The following PDSS2 variants were observed in gnomAD, a reference collection of about 807,000 sequenced individuals.
PDSS2 encodes decaprenyl diphosphate synthase subunit 2.
Under a neutral mutation model 44.5 loss-of-function variants are expected in PDSS2, and 31 were observed. The observed-to-expected ratio is 0.70, with a 90% CI of 0.52 to 0.94. The LOEUF (loss-of-function observed/expected upper bound fraction) is 0.94, where lower values mean the gene tolerates loss of function less well. PDSS2 is among the 40% of genes least tolerant of loss of function. The probability of loss-of-function intolerance (pLI) is 0.00; values close to 1 mark genes in which losing one functional copy is unlikely to be tolerated. For synonymous variants in PDSS2, 157 were observed against 180.3 expected (o/e 0.87, Z 1.03); for missense variants, 452 against 482.2 (o/e 0.94, Z 0.59).
At chr6:107,428,553 C>T (rs988118083) in intron 1 of PDSS2, among the ~76,000 whole-genome samples, 7 of 152,258 alleles carry the variant, frequency 4.6e-5, no homozygotes, top group East Asian at 1.9e-4. Context: ...TCAGACCAGA[C>T]GCAGTGGCTC....
rs778007538 is a variant in PDSS2, at chr6:107,193,843, T to C, written c.1020A>G (p.Lys340=). The change falls in exon 7 of 8, where the codon AAA becomes AAG. Residue 340 remains lysine, a synonymous_variant. Coordinates refer to ENST00000369037, the MANE Select transcript of PDSS2 (RefSeq NM_020381.4). ...CTACCTTAGCATAGTCCAATCTTCC[T>C]TTTTCTTGAGCCTACAAAAGAAGAG... ...WIKQIGEAQE[K]GRLDYAKLRE... is the part of the protein sequence containing the mutation. The C allele has an allele frequency of 1.9e-6, 3 of 1,562,140 alleles. No homozygotes were observed. The highest frequency in any genetic ancestry group is 2.2e-5 in the South Asian group (2 of 90,004).
At chr6:107,444,967 C>T (rs1485834728) in intron 1 of PDSS2, among the ~76,000 whole-genome samples, 2 of 152,036 alleles carry the variant, frequency 1.3e-5, no homozygotes, top group Admixed American at 6.6e-5. Flanking sequence ...AAAATTTAAT[C>T]CTAAAAGCCA....
intron 1 of PDSS2, among the ~76,000 whole-genome samples, chr6:107,363,242 C>T (rs1375251650): frequency 6.6e-6 from 1 of 152,216 alleles, no homozygotes; most frequent in Non-Finnish European, 1.5e-5. Flanking sequence ...CAGAGACAAA[C>T]TGTTGAAGGA....
At chr6:107,298,633 G>A (rs1028407263) in intron 2 of PDSS2, among the ~76,000 whole-genome samples, 6 of 152,174 alleles carry the variant, frequency 3.9e-5, no homozygotes, top group African/African-American at 1.4e-4. Flanking sequence ...AGATATGCAT[G>A]TGTATGTATG....
At chr6:107,181,184 T>C (rs1771962023) in intron 7 of PDSS2, among the ~76,000 whole-genome samples, 1 of 152,172 alleles carries the variant, frequency 6.6e-6, no homozygotes, top group African/African-American at 2.4e-5. Context: ...AAACTAGGAA[T>C]ATAGAATCTG....
intron 3 of PDSS2, among the ~76,000 whole-genome samples, chr6:107,261,490 C>T (rs1413281011): frequency 6.6e-6 from 1 of 152,128 alleles, no homozygotes; most frequent in East Asian, 1.9e-4. Context: ...GTGCAAGCAC[C>T]ATGCTTCCTG....
At chr6:107,333,701 A>G (rs1777783874) in intron 2 of PDSS2, among the ~76,000 whole-genome samples, 2 of 152,026 alleles carry the variant, frequency 1.3e-5, no homozygotes, top group African/African-American at 4.8e-5. Context: ...ACAACTAGCT[A>G]ATTTTTAAAT....
At chr6:107,422,100 A>C in intron 1 of PDSS2, among the ~76,000 whole-genome samples, 1 of 151,636 alleles carries the variant, frequency 6.6e-6, no homozygotes, top group African/African-American at 2.4e-5. Context: ...AAAAAAAAAA[A>C]AACTTAAAAC....
intron 4 of PDSS2, among the ~76,000 whole-genome samples, chr6:107,219,906 T>C (rs1020281780): frequency 6.6e-6 from 1 of 152,224 alleles, no homozygotes; most frequent in African/African-American, 2.4e-5. Flanking sequence ...TGGGTAGATA[T>C]GGACATATAA....
At chr6:107,193,908 T>C in intron 6 of PDSS2, 54 bp from the exon 7 acceptor site, 2 of 1,176,510 alleles carry the variant, frequency 1.7e-6, no homozygotes, top group Non-Finnish European at 2.6e-6. Flanking sequence ...GTTTAGTGCT[T>C]CTATAATTTT....
intron 1 of PDSS2, among the ~76,000 whole-genome samples, chr6:107,373,232 G>A (rs563773626): frequency 3.9e-5 from 6 of 152,070 alleles, no homozygotes; most frequent in South Asian, 2.1e-4. Context: ...TGATCCGCCC[G>A]CCTTGGACTC....
chr6:107,399,329 C>T (rs1780039208), intron 1 of PDSS2, among the ~76,000 whole-genome samples: 1 of 152,172 alleles, frequency 6.6e-6, no homozygotes, highest in African/African-American at 2.4e-5. Flanking sequence ...CACCTGAAGT[C>T]GCAAAATCTT....
At chr6:107,231,886 C>T (rs183647685) in intron 4 of PDSS2, among the ~76,000 whole-genome samples, 6 of 151,632 alleles carry the variant, frequency 4.0e-5, no homozygotes, top group African/African-American at 9.7e-5. Flanking sequence ...CGCTTGAACC[C>T]GGGAGGTGGA....
At chr6:107,274,767 G>A (rs1775722961) in intron 2 of PDSS2, among the ~76,000 whole-genome samples, 1 of 149,646 alleles carries the variant, frequency 6.7e-6, no homozygotes, top group Non-Finnish European at 1.5e-5. Context: ...CCACCTCCCA[G>A]GCTCAAATAA....
chr6:107,233,210 T>C lies in PDSS2; in HGVS notation c.702+12338A>G, dbSNP rs369479881. On this transcript the variant is annotated intron_variant, in intron 4 of 7. Transcript: ENST00000369037. ...GAAGCTCCCTCTGAAACATTTTGAA[T>C]TCTTAATGCTGCACTTTCTCCTACA... 4.4e-4 allele frequency among the ~76,000 whole-genome samples: 67 copies of C among 152,310 alleles called. No homozygotes were observed. In the East Asian group the frequency reaches 5.4e-3, roughly 12 times the overall value.
At chr6:107,242,461 G>A (rs1774471348) in intron 4 of PDSS2, among the ~76,000 whole-genome samples, 1 of 151,952 alleles carries the variant, frequency 6.6e-6, no homozygotes, top group Admixed American at 6.6e-5. Flanking sequence ...AGATGAGATG[G>A]TCTCGATCTC....
intron 1 of PDSS2, among the ~76,000 whole-genome samples, chr6:107,368,036 C>G (rs1445507047): frequency 1.3e-5 from 2 of 151,980 alleles, no homozygotes; most frequent in Admixed American, 6.6e-5. Flanking sequence ...TTTGGGAGGT[C>G]AAGGAGGGCG....
intron 1 of PDSS2, among the ~76,000 whole-genome samples, chr6:107,438,232 G>T (rs1781413324): frequency 6.6e-6 from 1 of 151,814 alleles, no homozygotes; most frequent in South Asian, 2.1e-4. Flanking sequence ...TTTTTGAGAT[G>T]GAGTCTCGCT....
chr6:107,402,078 A>T (rs1780122232), intron 1 of PDSS2, among the ~76,000 whole-genome samples: 1 of 152,170 alleles, frequency 6.6e-6, no homozygotes, highest in Admixed American at 6.5e-5. Flanking sequence ...CAGGAGTTCG[A>T]GACCAGTCTG....
Sources: allele counts gnomAD v4.1 joint callset (sites outside exome capture counted in the v4.1 genomes callset), GRCh38; gene constraint gnomAD v4.1.1; transcripts MANE v1.5; gene names NCBI Gene and HGNC (gene_info 2026-07-23, HGNC 2026-07-21).